PITPNB: variants seen among roughly 807,000 people sequenced by gnomAD.
The protein encoded by PITPNB is phosphatidylinositol transfer protein beta isoform.
A neutral mutation model predicts 45.9 loss-of-function variants in PITPNB; 16 were observed. That is an observed-to-expected ratio of 0.35 (90% CI 0.24 to 0.53). PITPNB has a LOEUF of 0.53. PITPNB is among the 20% of genes least tolerant of loss of function. PITPNB has a pLI of 0.93. For synonymous variants in PITPNB, 112 were observed against 108.9 expected (o/e 1.03, Z -0.18); for missense variants, 188 against 330.5 (o/e 0.57, Z 3.34).
In PITPNB at chr22:27,897,900, A is replaced by AAG; in HGVS notation, c.198-10_198-9dup. On this transcript the variant is annotated splice_polypyrimidine_tract_variant and intron_variant, in intron 3 of 11. Transcript: ENST00000335272. ...ACGAATGCAGGCACTTTGCTGGGAG[A>AAG]AGAGAGATACTGGATATATTTAACA... 1.3e-6 allele frequency: 2 copies of AAG among 1,587,320 alleles called. No homozygotes were observed. The highest frequency in any genetic ancestry group is 1.7e-6 in the Non-Finnish European group (2 of 1,155,710).
At chr22:27,901,093 G>A (rs1935578406) in intron 3 of PITPNB, among the ~76,000 whole-genome samples, 1 of 152,174 alleles carries the variant, frequency 6.6e-6, no homozygotes, top group Non-Finnish European at 1.5e-5. Flanking sequence ...TCGGAACAGC[G>A]TTCACTTACC....
At chr22:27,891,625 G>A (rs939397316) in intron 7 of PITPNB, among the ~76,000 whole-genome samples, 1 of 152,136 alleles carries the variant, frequency 6.6e-6, no homozygotes, top group Non-Finnish European at 1.5e-5. Context: ...CCCCCATGTT[G>A]TTCTGGTGAC....
chr22:27,885,219 A>T lies in PITPNB; in HGVS notation c.456+9336T>A, dbSNP rs1436938297. 1.7e-3 allele frequency among the ~76,000 whole-genome samples: 99 copies of T among 58,872 alleles called. 3 individuals are homozygous for T. Among genetic ancestry groups the T allele is most frequent in the South Asian group, 5.0e-3 (5 of 1,000 alleles). 38.6% of individuals were successfully genotyped at this position (58,872 alleles called of 152,430 possible). A position where few individuals can be genotyped will look rare whatever the true frequency, so the allele number is the denominator to read the frequency against. ...CAGATTCAAATTTATACCTAAAAAA[A>T]AAAAAAAAAAAAAAAAAAAAAAAAA... On this transcript the variant is annotated intron_variant, in intron 7 of 11. Transcript: ENST00000335272.
At chr22:27,878,618 A>C (rs1934884398) in intron 7 of PITPNB, among the ~76,000 whole-genome samples, 1 of 152,244 alleles carries the variant, frequency 6.6e-6, no homozygotes, top group Non-Finnish European at 1.5e-5. Context: ...ATACATAATC[A>C]TTCAGACAGG....
chr22:27,856,511 A>C (rs1934178134), intron 10 of PITPNB, among the ~76,000 whole-genome samples: 1 of 152,152 alleles, frequency 6.6e-6, no homozygotes. Context: ...TCCCTGGGGG[A>C]AGAAATCTCA....
intron 3 of PITPNB, among the ~76,000 whole-genome samples, chr22:27,904,805 A>T (rs1935709575): frequency 6.6e-6 from 1 of 152,232 alleles, no homozygotes. Flanking sequence ...TTACAACCCC[A>T]GTTTGTGGGA....
intron 8 of PITPNB, among the ~76,000 whole-genome samples, chr22:27,867,895 GC>G (rs1016093551): frequency 4.6e-5 from 7 of 152,012 alleles, no homozygotes; most frequent in African/African-American, 1.7e-4. Context: ...ACATGGAACA[GC>G]TTTTTTTTGG....
At position 27,918,575 on chromosome 22, in the gene PITPNB, G is replaced by A. The variant is rs564295070; in HGVS notation, c.20+597C>T. On this transcript the variant is annotated intron_variant, in intron 1 of 11. Transcript: ENST00000335272. ...ATGTCACCTCATCTTAAAACATGCG[G>A]AAACCAAAAAGAGAAAAGGCTCTCC... is the stretch of plus-strand genomic sequence containing the variant. 3.6e-4 allele frequency among the ~76,000 whole-genome samples: 55 copies of A among 152,288 alleles called. 1 individual carries two copies. The highest frequency in any genetic ancestry group is 4.7e-4 in the Non-Finnish European group (32 of 68,018).
intron 10 of PITPNB, among the ~76,000 whole-genome samples, chr22:27,856,013 C>T (rs1475498620): frequency 1.3e-5 from 2 of 152,106 alleles, no homozygotes; most frequent in South Asian, 2.1e-4. Flanking sequence ...TTCACAAAGC[C>T]ACCATTAGGA....
chr22:27,881,257 C>T (rs1934964114), intron 7 of PITPNB, among the ~76,000 whole-genome samples: 1 of 152,174 alleles, frequency 6.6e-6, no homozygotes, highest in Non-Finnish European at 1.5e-5. Flanking sequence ...ACAGAAATTT[C>T]TTAAGCATAA....
chr22:27,872,809 A>G (rs1006272801), intron 8 of PITPNB, among the ~76,000 whole-genome samples: 1 of 152,198 alleles, frequency 6.6e-6, no homozygotes, highest in Non-Finnish European at 1.5e-5. Flanking sequence ...TCTCTTGTCA[A>G]ATTAGCTGTA....
chr22:27,863,398 C>T (rs1934395532), intron 8 of PITPNB, among the ~76,000 whole-genome samples: 1 of 152,162 alleles, frequency 6.6e-6, no homozygotes, highest in African/African-American at 2.4e-5. Flanking sequence ...CCTTGACATC[C>T]AATGACTTGT....
At chr22:27,894,256 ATG>A (rs1935372002) in intron 7 of PITPNB, 1 of 230,698 alleles carries the variant, frequency 4.3e-6, no homozygotes. Context: ...TTTGTAAACA[ATG>A]TGTTTTTTGT....
At chr22:27,905,183 C>G (rs941536425) in intron 3 of PITPNB, among the ~76,000 whole-genome samples, 1 of 152,182 alleles carries the variant, frequency 6.6e-6, no homozygotes, top group African/African-American at 2.4e-5. Context: ...GAGTCTCACT[C>G]TTGTCTCCCA....
intron 8 of PITPNB, among the ~76,000 whole-genome samples, chr22:27,872,524 A>G (rs1934699466): frequency 6.6e-6 from 1 of 152,232 alleles, no homozygotes; most frequent in African/African-American, 2.4e-5. Flanking sequence ...TGAAAATAAT[A>G]TAGTTATGAA....
At chr22:27,876,605 T>C (rs182558597) in intron 7 of PITPNB, among the ~76,000 whole-genome samples, 4 of 152,322 alleles carry the variant, frequency 2.6e-5, no homozygotes, top group Non-Finnish European at 5.9e-5. Context: ...ACAACCTCAG[T>C]TTTGTATTTC....
At chr22:27,897,405 ATTAT>A (rs951566071) in intron 4 of PITPNB, among the ~76,000 whole-genome samples, 2 of 152,270 alleles carry the variant, frequency 1.3e-5, no homozygotes, top group South Asian at 2.1e-4. Context: ...AAAGCAAAAC[ATTAT>A]TTATAAGGTC....
At chr22:27,914,393 T>C (rs1936020380) in intron 1 of PITPNB, 46 bp from the exon 2 acceptor site, 2 of 1,155,542 alleles carry the variant, frequency 1.7e-6, no homozygotes, top group Non-Finnish European at 2.5e-6. Flanking sequence ...ATGAAATAGC[T>C]TTAAACACAG....
chr22:27,893,582 C>CTTTTTTT (rs745878388), intron 7 of PITPNB, among the ~76,000 whole-genome samples: 20 of 74,040 alleles, frequency 2.7e-4, no homozygotes, highest in Non-Finnish European at 3.9e-4. Flanking sequence ...CATGTCTAGC[C>CTTTTTTT]TTTTTTTTTT....
Sources: gnomAD v4.1 joint callset for allele counts (sites outside exome capture counted in the v4.1 genomes callset) on GRCh38, gnomAD v4.1.1 for gene constraint, MANE v1.5 for transcripts, NCBI Gene and HGNC (gene_info 2026-07-23, HGNC 2026-07-21) for gene names.